Variants in TENT4A observed in about 807,000 individuals in gnomAD.
TENT4A encodes the protein DNA polymerase kappa.
TENT4A carries 7 observed loss-of-function variants against 72.8 expected under a neutral mutation model. The observed-to-expected ratio is 0.10, with a 90% CI of 0.05 to 0.18. The LOEUF (loss-of-function observed/expected upper bound fraction) is 0.18, where lower values mean the gene tolerates loss of function less well. Among genes scored for constraint, TENT4A ranks in the 10% least tolerant of loss-of-function variants. The pLI is 1.00. For missense variants in TENT4A, 831 were observed against 1,017.7 expected (o/e 0.82, Z 2.50); for synonymous variants, 456 against 434.3 (o/e 1.05, Z -0.62).
At chr5:6,719,245 A>T (rs1740531337) in intron 1 of TENT4A, among the ~76,000 whole-genome samples, 1 of 152,230 alleles carries the variant, frequency 6.6e-6, no homozygotes, top group Non-Finnish European at 1.5e-5. Context: ...AAATGGATTC[A>T]TGTAAGCGTC....
At chr5:6,725,486 AG>A (rs1236810016) in intron 1 of TENT4A, among the ~76,000 whole-genome samples, 2 of 152,214 alleles carry the variant, frequency 1.3e-5, no homozygotes, top group Non-Finnish European at 2.9e-5. Flanking sequence ...GAGGATTCTG[AG>A]GGTGACTTCT....
In TENT4A at chr5:6,714,521, C is replaced by T; in HGVS notation, c.538C>T (p.Gln180Ter). ...CCCCGCGCCCGCCGGCTCCCCGTCG[C>T]AGCACCAGTTCCACCCGGGTCGCCG... is the stretch of plus-strand genomic sequence containing the variant. Reference protein sequence around the residue: ...RGPAPAGSPSQHQFHPGRRKR... With the variant: ...RGPAPAGSPS The change falls in exon 1 of 13, where the codon CAG becomes TAG. Residue 180 changes from glutamine to a stop codon, truncating the protein, a stop_gained. Transcript: ENST00000230859. LOFTEE classifies it high-confidence loss of function. 8.4e-7 allele frequency: 1 copy of T among 1,192,446 alleles called. No homozygotes were observed. Among genetic ancestry groups the T allele is most frequent in the Non-Finnish European group, 1.0e-6 (1 of 962,592 alleles). 73.9% of individuals were successfully genotyped at this position (1,192,446 alleles called of 1,614,324 possible). A position where few individuals can be genotyped will look rare whatever the true frequency, so the allele number is the denominator to read the frequency against.
chr5:6,753,952 T>C (rs1398285400), intron 12 of TENT4A, among the ~76,000 whole-genome samples: 1 of 152,236 alleles, frequency 6.6e-6, no homozygotes, highest in African/African-American at 2.4e-5. Flanking sequence ...TTTTTCTTGC[T>C]CTGAGACTTT....
chr5:6,722,068 C>A (rs747319928), intron 1 of TENT4A, among the ~76,000 whole-genome samples: 4 of 152,168 alleles, frequency 2.6e-5, no homozygotes, highest in Non-Finnish European at 5.9e-5. Flanking sequence ...TTCTCAGCTT[C>A]GGGAGCCACG....
At chr5:6,746,150 G>T in intron 6 of TENT4A, 64 bp from the exon 7 acceptor site, 1 of 1,611,466 alleles carries the variant, frequency 6.2e-7, no homozygotes, top group Non-Finnish European at 8.5e-7. Context: ...AGACTTCGTC[G>T]CGTGCTATTT....
At chr5:6,734,262 C>T (rs1156581412) in intron 1 of TENT4A, among the ~76,000 whole-genome samples, 1 of 152,256 alleles carries the variant, frequency 6.6e-6, no homozygotes, top group Non-Finnish European at 1.5e-5. Context: ...TCTTACTGTG[C>T]ACTTTTTCTC....
chr5:6,748,341 G>T, intron 7 of TENT4A, 123 bp from the exon 8 acceptor site: 1 of 1,314,906 alleles, frequency 7.6e-7, no homozygotes, highest in Non-Finnish European at 1.1e-6. Context: ...GGGCTTTGCT[G>T]GTAGGGTCTG....
chr5:6,752,711 A>C lies in TENT4A; in HGVS notation c.2020-162A>C, dbSNP rs534976349. Among the ~76,000 whole-genome samples, 4 of 152,378 alleles carry C rather than the reference A, an allele frequency of 2.6e-5. No individual in the cohort carries two copies. In the South Asian group the frequency reaches 8.3e-4, roughly 32 times the overall value. ...TTAGAATACGAAGTATTTCCAATTCAAAGCACAATATTGTTAGGTAATAGT... is the reference window on the plus strand; with the variant it reads ...TTAGAATACGAAGTATTTCCAATTCCAAGCACAATATTGTTAGGTAATAGT... On this transcript the variant is annotated intron_variant, in intron 11 of 12. Transcript: ENST00000230859.
At chr5:6,730,826 T>G (rs1451854823) in intron 1 of TENT4A, among the ~76,000 whole-genome samples, 1 of 151,470 alleles carries the variant, frequency 6.6e-6, no homozygotes, top group African/African-American at 2.4e-5. Flanking sequence ...ATTAGTTGCC[T>G]TGTAACATAA....
intron 6 of TENT4A, among the ~76,000 whole-genome samples, chr5:6,744,674 A>T (rs1416237796): frequency 6.6e-6 from 1 of 152,214 alleles, no homozygotes; most frequent in South Asian, 2.1e-4. Context: ...GTCTCTGCCA[A>T]GATGCTTTAA....
At chr5:6,746,942 T>C (rs1742138065) in intron 7 of TENT4A, among the ~76,000 whole-genome samples, 1 of 152,236 alleles carries the variant, frequency 6.6e-6, no homozygotes, top group Non-Finnish European at 1.5e-5. Context: ...ATTGCCGCAT[T>C]GAAGAGTCTA....
chr5:6,715,150 T>TA (rs1180923573), intron 1 of TENT4A: 1 of 152,314 alleles, frequency 6.6e-6, no homozygotes, highest in Admixed American at 6.5e-5. Context: ...TTTCATTTTT[T>TA]AAAAAAATTT....
In TENT4A at chr5:6,751,062, A is replaced by C; in HGVS notation, c.1884A>C (p.Thr628=). The part of the protein sequence containing the change: ...SDVDSDTPPC[T]TPSVYQFSLQ... ...AGGATTCAGACACACCGCCCTGCAC[A>C]ACGCCCAGTGTTTACCAGTTCAGTC... is the stretch of plus-strand genomic sequence containing the variant. Residue 628 remains threonine, a synonymous_variant, in exon 11 of 13, where the codon ACA becomes ACC. Transcript: ENST00000230859. 6.2e-7 allele frequency: 1 copy of C among 1,614,158 alleles called. No homozygotes were observed. Among genetic ancestry groups the C allele is most frequent in the Non-Finnish European group, 8.5e-7 (1 of 1,180,030 alleles).
chr5:6,715,566 T>C (rs570215606), intron 1 of TENT4A, among the ~76,000 whole-genome samples: 5 of 152,286 alleles, frequency 3.3e-5, no homozygotes, highest in Admixed American at 1.3e-4. Flanking sequence ...AAATGATAAT[T>C]TTTCCTTGCA....
intron 7 of TENT4A, 25 bp downstream of exon 7, chr5:6,746,452 C>T (rs369482868): frequency 1.0e-4 from 161 of 1,607,940 alleles, no homozygotes; most frequent in Non-Finnish European, 1.3e-4. Context: ...ATCTCCACTG[C>T]TGAGAGCTGG....
chr5:6,715,740 C>T (rs1377288485), intron 1 of TENT4A, among the ~76,000 whole-genome samples: 1 of 152,158 alleles, frequency 6.6e-6, no homozygotes. Context: ...TGTTGGGAAA[C>T]ACGAGTTGAT....
intron 7 of TENT4A, among the ~76,000 whole-genome samples, chr5:6,747,942 C>G (rs979382200): frequency 4.6e-5 from 7 of 152,338 alleles, no homozygotes; most frequent in Middle Eastern, 6.8e-3. Flanking sequence ...AATTCACATT[C>G]CATTCTAAAG....
At chr5:6,735,802 C>T (rs1217938733) in intron 1 of TENT4A, among the ~76,000 whole-genome samples, 4 of 151,062 alleles carry the variant, frequency 2.6e-5, no homozygotes, top group Non-Finnish European at 5.9e-5. Context: ...GCTCTGTCGC[C>T]CAGGCTGGAG....
chr5:6,728,734 C>A (rs958544371), intron 1 of TENT4A, among the ~76,000 whole-genome samples: 2 of 152,218 alleles, frequency 1.3e-5, no homozygotes, highest in African/African-American at 2.4e-5. Context: ...CAGATTCTTA[C>A]AGAAGACTTA....
Sources: gnomAD v4.1 joint callset for allele counts (sites outside exome capture counted in the v4.1 genomes callset) on GRCh38, gnomAD v4.1.1 for gene constraint, MANE v1.5 for transcripts, NCBI Gene and HGNC (gene_info 2026-07-23, HGNC 2026-07-21) for gene names.